Variants in SF3B1 observed in about 807,000 individuals in gnomAD.
SF3B1 encodes splicing factor 3b subunit 1.
A neutral mutation model predicts 153.8 loss-of-function variants in SF3B1; 12 were observed. The ratio of observed to expected loss-of-function variants is 0.08; its 90% CI spans 0.05 to 0.13. The LOEUF (loss-of-function observed/expected upper bound fraction) is 0.13, where lower values mean the gene tolerates loss of function less well. SF3B1 is among the 10% of genes least tolerant of loss of function. The pLI is 1.00. For missense variants in SF3B1, 513 were observed against 1,606.1 expected (o/e 0.32, Z 11.63); for synonymous variants, 498 against 525.2 (o/e 0.95, Z 0.71).
intron 2 of SF3B1, 71 bp downstream of exon 2, chr2:197,423,737 C>T (rs916631415): frequency 6.8e-6 from 10 of 1,480,662 alleles, no homozygotes; most frequent in Non-Finnish European, 9.3e-6. Context: ...CAGATGGCTG[C>T]AACAAAAGTT....
At chr2:197,411,449 G>A (rs1036587514) in intron 6 of SF3B1, among the ~76,000 whole-genome samples, 9 of 151,938 alleles carry the variant, frequency 5.9e-5, no homozygotes, top group Non-Finnish European at 8.8e-5. Context: ...CGAGGCGGGC[G>A]GATCACAAGG....
chr2:197,402,905 T>C lies in SF3B1; in HGVS notation c.1806+44A>G. 1 of 1,607,118 alleles carries C rather than the reference T, an allele frequency of 6.2e-7. No individual in the cohort carries two copies. The highest frequency in any genetic ancestry group is 8.5e-7 in the Non-Finnish European group (1 of 1,174,744). On this transcript the variant is annotated intron_variant, in intron 13 of 24. Transcript: ENST00000335508. The surrounding 1 kb of genome is among the most constrained non-coding windows in gnomAD (Gnocchi z 4.6). ...CCATTTCTTTCCATAATCAATTCCA[T>C]AAACAGATATAAATTTTCTTCTCTA...
In SF3B1 at chr2:197,400,803, C is replaced by G. The variant is rs2105982627; in HGVS notation, c.2630G>C (p.Gly877Ala). Residue 877 changes from glycine to alanine, a missense_variant, in exon 18 of 25, where the codon GGT becomes GCT. Coordinates refer to ENST00000335508, the MANE Select transcript of SF3B1 (RefSeq NM_012433.4). This position sits in a 1 kb window ranked among gnomAD's most constrained non-coding sequence, Gnocchi z 5.0. Reference protein sequence around the residue: ...MVMETIEKIMGNLGAADIDHK... With the variant: ...MVMETIEKIMANLGAADIDHK... ...ATCAATATCTGCTGCTCCCAAATTA[C>G]CCATAATTTTCTCAATTGTCTCCAT... 1 of 1,612,062 alleles carries G rather than the reference C, an allele frequency of 6.2e-7. No individual in the cohort carries two copies.
At position 197,396,309 on chromosome 2, in the gene SF3B1, T is replaced by C. The variant is rs1379993904; in HGVS notation, c.3286A>G (p.Thr1096Ala). 1 of 1,613,522 alleles carries C rather than the reference T, an allele frequency of 6.2e-7. No homozygotes were observed. The highest frequency in any genetic ancestry group is 1.3e-5 in the African/African-American group (1 of 74,908). ...TGAACTTTGAGGTTGTTCAGAAGTG[T>C]AGCCAATACATCATGAGGGCTGAAA... is the stretch of plus-strand genomic sequence containing the variant. ...KAIGPHDVLA[T>A]LLNNLKVQER... The change falls in exon 23 of 25, where the codon ACA becomes GCA. Residue 1096 changes from threonine (T) to alanine (A), a missense_variant. Around this residue, in one of 21 missense-constraint regions of SF3B1, gnomAD observed 17 missense variants for 246.2 expected, o/e 0.07. Transcript: ENST00000335508.
Position 197,416,737 on chromosome 2 carries a change from T to A in SF3B1, c.666+4A>T, listed in dbSNP as rs751320649. ...AGTAATAACAAAAAACAAAAAGAAA[T>A]TACCTCTGCCTGATCCCAACTTGAT... On this transcript the variant is annotated splice_donor_region_variant and intron_variant, in intron 6 of 24. Coordinates refer to ENST00000335508, the MANE Select transcript of SF3B1 (RefSeq NM_012433.4). 1.9e-6 allele frequency: 3 copies of A among 1,598,660 alleles called. No individual in the cohort carries two copies. Among genetic ancestry groups the A allele is most frequent in the Non-Finnish European group, 8.5e-7 (1 of 1,174,944 alleles).
chr2:197,419,760 GAA>G (rs1330389585), intron 4 of SF3B1: 5 of 223,108 alleles, frequency 2.2e-5, no homozygotes, highest in Non-Finnish European at 8.9e-6. Context: ...CATGCAGGCT[GAA>G]AAGTCTAGTA....
chr2:197,397,899 G>A, intron 22 of SF3B1, 86 bp downstream of exon 22: 1 of 1,005,046 alleles, frequency 9.9e-7, no homozygotes, highest in South Asian at 1.7e-5. Context: ...TGCCTCAAAA[G>A]AGATTTCTAC....
At chr2:197,403,524 A>G in intron 12 of SF3B1, 61 bp downstream of exon 12, 1 of 1,118,334 alleles carries the variant, frequency 8.9e-7, no homozygotes, top group Non-Finnish European at 1.3e-6. Context: ...TAAATTTAAC[A>G]TTGATTAACT....
At chr2:197,420,270 G>A (rs984577569) in intron 4 of SF3B1, 158 bp downstream of exon 4, 1 of 503,960 alleles carries the variant, frequency 2.0e-6, no homozygotes. Context: ...GAAGAATATG[G>A]CATCTGTGAC....
At chr2:197,406,770 T>C (rs557850992) in intron 9 of SF3B1, among the ~76,000 whole-genome samples, 32 of 152,186 alleles carry the variant, frequency 2.1e-4, no homozygotes, top group African/African-American at 7.5e-4. Flanking sequence ...TTGAAACAAA[T>C]ACTCTAACAC....
Position 197,402,616 on chromosome 2 carries a change from T to C in SF3B1, c.2017A>G (p.Ile673Val), listed in dbSNP as rs1332470056. ...TGIKIVQQIAILMGCAILPHL... is the reference protein window; with the variant it reads ...TGIKIVQQIAVLMGCAILPHL... ...GGCAAGATGGCACAGCCCATAAGAA[T>C]AGCTATCTGTTGTACAATCTTAATA... Residue 673 changes from isoleucine to valine, a missense_variant, in exon 14 of 25, where the codon ATT becomes GTT. Coordinates refer to ENST00000335508, the MANE Select transcript of SF3B1 (RefSeq NM_012433.4). The surrounding 1 kb of genome is among the most constrained non-coding windows in gnomAD (Gnocchi z 4.6). 1 of 1,613,964 alleles carries C rather than the reference T, an allele frequency of 6.2e-7. No homozygotes were observed. Among genetic ancestry groups the C allele is most frequent in the Non-Finnish European group, 8.5e-7 (1 of 1,179,844 alleles).
At chr2:197,418,374 G>C in intron 5 of SF3B1, 135 bp downstream of exon 5, 1 of 582,442 alleles carries the variant, frequency 1.7e-6, no homozygotes, top group Non-Finnish European at 2.8e-6. Context: ...TTGGGGGTAA[G>C]ATTCTTTCTC....
chr2:197,418,152 CTT>C (rs2085180731), intron 5 of SF3B1, among the ~76,000 whole-genome samples: 1 of 142,824 alleles, frequency 7.0e-6, no homozygotes, highest in African/African-American at 2.6e-5. Context: ...GGGAGGATAA[CTT>C]GAACCTGGGA....
At chr2:197,397,500 A>G (rs1260495618) in intron 22 of SF3B1, among the ~76,000 whole-genome samples, 1 of 152,212 alleles carries the variant, frequency 6.6e-6, no homozygotes. Context: ...TTTAATTAAG[A>G]ATTTAAGACT....
At chr2:197,413,338 T>C (rs985380147) in intron 6 of SF3B1, among the ~76,000 whole-genome samples, 25 of 151,974 alleles carry the variant, frequency 1.6e-4, no homozygotes, top group African/African-American at 5.6e-4. Context: ...GAGGCGGAGA[T>C]TGCAATGAGC....
At position 197,432,973 on chromosome 2, in the gene SF3B1, T is replaced by C. The variant is rs558967214; in HGVS notation, c.28+1999A>G. On this transcript the variant is annotated intron_variant, in intron 1 of 24. Transcript: ENST00000335508. Reference sequence around the variant, plus strand: ...TCTTGGAGCTAAGGAGAAGAGAAAATCTTAACACAACAGACTATTCTAAGC... The same window carrying C: ...TCTTGGAGCTAAGGAGAAGAGAAAACCTTAACACAACAGACTATTCTAAGC... Among the ~76,000 whole-genome samples the C allele has an allele frequency of 3.3e-5, 5 of 152,266 alleles. No homozygotes were observed. In the East Asian group the frequency reaches 9.6e-4, roughly 29 times the overall value.
chr2:197,422,428 G>A (rs2085259824), intron 2 of SF3B1, among the ~76,000 whole-genome samples: 1 of 151,864 alleles, frequency 6.6e-6, no homozygotes, highest in African/African-American at 2.4e-5. Context: ...AGGGGGGAGG[G>A]ATAGCATTGG....
intron 1 of SF3B1, among the ~76,000 whole-genome samples, chr2:197,428,773 T>G (rs1458299660): frequency 6.6e-6 from 1 of 152,100 alleles, no homozygotes; most frequent in Admixed American, 6.5e-5. Context: ...GGCACGCCTG[T>G]AATCCCAGCT....
At chr2:197,425,221 T>G (rs1472675540) in intron 1 of SF3B1, among the ~76,000 whole-genome samples, 2 of 152,216 alleles carry the variant, frequency 1.3e-5, no homozygotes, top group Non-Finnish European at 2.9e-5. Context: ...ATCCCAGCAC[T>G]TCGGGAGGCC....
Sources: gnomAD v4.1 joint callset for allele counts (sites outside exome capture counted in the v4.1 genomes callset) on GRCh38, gnomAD v4.1.1 for gene constraint, gnomAD v4.1.1 regional missense constraint, Gnocchi (gnomAD v3.1) non-coding constraint, MANE v1.5 for transcripts, NCBI Gene and HGNC (gene_info 2026-07-23, HGNC 2026-07-21) for gene names.